Variants in CEP89 observed in about 807,000 individuals in gnomAD.
CEP89 encodes the protein centrosomal protein of 89 kDa.
In CEP89, 95 loss-of-function variants were observed where a neutral mutation model predicts 97.6. That is an observed-to-expected ratio of 0.97 (90% CI 0.82 to 1.15). CEP89 has a LOEUF of 1.15. CEP89 is among the 50% of genes most tolerant of loss of function. CEP89 has a pLI of 0.00. For missense variants in CEP89, 869 were observed against 947.7 expected (o/e 0.92, Z 1.09); for synonymous variants, 354 against 349.1 (o/e 1.01, Z -0.16).
chr19:32,900,020 TAGAATAAAAAG>T, intron 15 of CEP89, 22 bp from the exon 16 acceptor site: 1 of 1,613,168 alleles, frequency 6.2e-7, no homozygotes, highest in East Asian at 2.2e-5. Flanking sequence ...CCCCAAATGG[TAGAATAAAAAG>T]CCCATTAGTT....
intron 8 of CEP89, among the ~76,000 whole-genome samples, chr19:32,932,098 G>A (rs532441150): frequency 3.3e-5 from 5 of 151,678 alleles, no homozygotes; most frequent in East Asian, 1.9e-4. Context: ...GGAGAATGGC[G>A]TGAACCCAGG....
At position 32,918,307 on chromosome 19, in the gene CEP89, A is replaced by G. The variant is rs1970172803; in HGVS notation, c.1301T>C (p.Leu434Ser). 1 of 1,614,032 alleles carries G rather than the reference A, an allele frequency of 6.2e-7. No homozygotes were observed. The highest frequency in any genetic ancestry group is 1.3e-5 in the African/African-American group (1 of 74,934). ...RQLQTQAKLV[L>S]EENKLLLEQL... is the part of the protein sequence containing the mutation. The stretch of plus-strand genomic sequence containing the variant: ...CTCCAGCAACAACTTGTTTTCCTCT[A>G]AAACCAGTTTTGCTTGAGTCTGAAG... Residue 434 changes from leucine to serine, a missense_variant, in exon 13 of 19, where the codon TTA (leucine) becomes TCA (serine). Leu to Ser is a moderately radical substitution (Grantham distance 145). Transcript: ENST00000305768.
rs780326245 is a variant in CEP89 at position 32,899,818 on chromosome 19, AACTCGCAGTTT to A, written c.1875+28_1875+38del. On this transcript the variant is annotated intron_variant, in intron 16 of 18. Transcript: ENST00000305768. ...ACTCTTAAAATCACATTTGCATATT[AACTCGCAGTTT>A]ACTTGATGTAACCTTCAGGAAACTT... 8 of 1,570,056 alleles carry A rather than the reference AACTCGCAGTTT, an allele frequency of 5.1e-6. No homozygotes were observed. The South Asian group carries it at 9.2e-5, about 18-fold the overall frequency.
intron 14 of CEP89, among the ~76,000 whole-genome samples, chr19:32,910,906 A>G (rs771333551): frequency 6.6e-6 from 1 of 152,218 alleles, no homozygotes; most frequent in Non-Finnish European, 1.5e-5. Context: ...AGTTAACTTT[A>G]TTTTGTTATA....
chr19:32,901,102 G>T, intron 15 of CEP89, 143 bp downstream of exon 15: 2 of 743,778 alleles, frequency 2.7e-6, no homozygotes, highest in Non-Finnish European at 4.4e-6. Flanking sequence ...GGCCAGGCTG[G>T]TCTTGAACTT....
chr19:32,932,377 A>C (rs2053736567), intron 8 of CEP89, among the ~76,000 whole-genome samples: 1 of 152,136 alleles, frequency 6.6e-6, no homozygotes, highest in South Asian at 2.1e-4. Flanking sequence ...GGTCTATGTG[A>C]AAAAAACTGA....
chr19:32,915,261 C>A lies in CEP89; in HGVS notation c.1565+76G>T. The A allele has an allele frequency of 5.3e-6, 7 of 1,331,998 alleles. No homozygotes were observed. The South Asian group carries it at 1.1e-4, about 20-fold the overall frequency. 82.5% of individuals were successfully genotyped at this position (1,331,998 alleles called of 1,614,324 possible). A position where few individuals can be genotyped will look rare whatever the true frequency, so the allele number is the denominator to read the frequency against. On this transcript the variant is annotated intron_variant, in intron 14 of 18. Transcript: ENST00000305768. ...ATCACTTGAGCCCAGGAGTTTGGGA[C>A]CAGCCTGAGCAACATAGCAAGACCC...
intron 13 of CEP89, among the ~76,000 whole-genome samples, chr19:32,916,780 G>A (rs1281196701): frequency 6.6e-6 from 1 of 152,144 alleles, no homozygotes; most frequent in Non-Finnish European, 1.5e-5. Context: ...GGAGGCCAAG[G>A]TGGGTGGATC....
At chr19:32,921,437 G>A (rs912149263) in intron 12 of CEP89, among the ~76,000 whole-genome samples, 2 of 152,128 alleles carry the variant, frequency 1.3e-5, no homozygotes, top group African/African-American at 4.8e-5. Context: ...GGGAGGCCCT[G>A]AGCAAGCCTG....
chr19:32,903,863 G>A (rs1182750637), intron 14 of CEP89, among the ~76,000 whole-genome samples: 1 of 152,210 alleles, frequency 6.6e-6, no homozygotes, highest in African/African-American at 2.4e-5. Flanking sequence ...TTCATGTAGA[G>A]TAAAGAAACC....
intron 14 of CEP89, among the ~76,000 whole-genome samples, chr19:32,914,918 A>T (rs1441794256): frequency 2.0e-5 from 3 of 152,022 alleles, no homozygotes; most frequent in Non-Finnish European, 4.4e-5. Context: ...GATACTCAGG[A>T]GGCTGAGGCA....
chr19:32,928,608 C>T (rs1970409986), intron 9 of CEP89, among the ~76,000 whole-genome samples: 1 of 152,142 alleles, frequency 6.6e-6, no homozygotes, highest in Non-Finnish European at 1.5e-5. Flanking sequence ...CTCTGGGAAC[C>T]ATGCAGCTCA....
At chr19:32,939,594 C>T (rs764371971) in intron 6 of CEP89, among the ~76,000 whole-genome samples, 6 of 151,430 alleles carry the variant, frequency 4.0e-5, no homozygotes, top group Non-Finnish European at 8.8e-5. Flanking sequence ...GGGAGGATCG[C>T]TTGAGCCTGG....
intron 16 of CEP89, among the ~76,000 whole-genome samples, chr19:32,892,127 G>A (rs1337835860): frequency 1.4e-5 from 2 of 139,104 alleles, no homozygotes; most frequent in Non-Finnish European, 3.0e-5. Context: ...CATATATTTA[G>A]ACATATATAT....
rs189600725 is a variant in CEP89, at chr19:32,922,807, C to T, written c.1268+632G>A. Among the ~76,000 whole-genome samples, 53 of 151,558 alleles carry T rather than the reference C, an allele frequency of 3.5e-4. No individual in the cohort carries two copies. In the East Asian group the frequency reaches 9.1e-3, roughly 26 times the overall value. ...AGGTTGCAGTGAGCCGAGATCACAC[C>T]GTTGCACTCCAGCCTGGCCAACACA... On this transcript the variant is annotated intron_variant, in intron 12 of 18. Coordinates refer to ENST00000305768, the MANE Select transcript of CEP89 (RefSeq NM_032816.5).
chr19:32,879,695 T>C (rs577481366), intron 18 of CEP89, among the ~76,000 whole-genome samples: 41 of 152,336 alleles, frequency 2.7e-4, no homozygotes, highest in Admixed American at 1.8e-3. Flanking sequence ...GTGCAATCCC[T>C]GTTTTCTCTC....
chr19:32,931,696 G>T, intron 8 of CEP89, 125 bp from the exon 9 acceptor site: 1 of 653,342 alleles, frequency 1.5e-6, no homozygotes, highest in Non-Finnish European at 2.5e-6. Flanking sequence ...CTGTGTGTGC[G>T]TGTGTGTCTG....
intron 1 of CEP89, chr19:32,971,364 A>G: frequency 2.3e-6 from 1 of 427,798 alleles, no homozygotes; most frequent in Non-Finnish European, 4.1e-6. Flanking sequence ...CTCCTGTCCA[A>G]CTGTGGCCGA....
At position 32,936,673 on chromosome 19, in the gene CEP89, C is replaced by T. The variant is rs1970587279; in HGVS notation, c.667+958G>A. Among the ~76,000 whole-genome samples, 1 of 152,126 alleles carries T rather than the reference C, an allele frequency of 6.6e-6. No individual in the cohort carries two copies. The highest frequency in any genetic ancestry group is 2.4e-5 in the African/African-American group (1 of 41,434). On this transcript the variant is annotated intron_variant, in intron 7 of 18. Coordinates refer to ENST00000305768, the MANE Select transcript of CEP89 (RefSeq NM_032816.5). This position sits in a 1 kb window ranked among gnomAD's most constrained non-coding sequence, Gnocchi z 4.5. ...TGACCAGCTGCAGAGAGGAGTTCCC[C>T]TCTCTGCTGATAGCTGGAGATGTCA...
Sources: allele counts gnomAD v4.1 joint callset (sites outside exome capture counted in the v4.1 genomes callset), GRCh38; gene constraint gnomAD v4.1.1; non-coding constraint Gnocchi (gnomAD v3.1); transcripts MANE v1.5; gene names NCBI Gene and HGNC (gene_info 2026-07-23, HGNC 2026-07-21).